Variants in KDM4C observed in about 807,000 individuals in gnomAD.
The protein encoded by KDM4C is lysine-specific demethylase 4C.
KDM4C carries 81 observed loss-of-function variants against 129.3 expected under a neutral mutation model. The ratio of observed to expected loss-of-function variants is 0.63; its 90% confidence interval spans 0.52 to 0.75. The LOEUF is 0.75. KDM4C is among the 30% of genes least tolerant of loss of function. KDM4C has a pLI of 0.00. For missense variants in KDM4C, 1,457 were observed against 1,304.0 expected (o/e 1.12, Z -1.81); for synonymous variants, 573 against 456.1 (o/e 1.26, Z -3.26).
At chr9:6,930,135 C>G (rs1823397017) in intron 8 of KDM4C, among the ~76,000 whole-genome samples, 1 of 152,142 alleles carries the variant, frequency 6.6e-6, no homozygotes, top group African/African-American at 2.4e-5. Context: ...CCTAAGATTC[C>G]CTGCAGAAAT....
chr9:6,870,125 T>C (rs1842634252), intron 5 of KDM4C, among the ~76,000 whole-genome samples: 1 of 152,234 alleles, frequency 6.6e-6, no homozygotes, highest in Non-Finnish European at 1.5e-5. Context: ...CTTTACTTTT[T>C]GATTCATAAA....
chr9:6,837,769 T>A (rs972010659), intron 4 of KDM4C, among the ~76,000 whole-genome samples: 1 of 152,230 alleles, frequency 6.6e-6, no homozygotes, highest in African/African-American at 2.4e-5. Context: ...TAGTTGTGGC[T>A]ATTCTTTTCA....
intron 17 of KDM4C, chr9:7,076,439 G>C: frequency 6.5e-7 from 1 of 1,549,116 alleles, no homozygotes; most frequent in East Asian, 2.4e-5. Context: ...TTCAGGGAAG[G>C]CTGGGAATCT....
At chr9:6,859,537 T>G (rs907961191) in intron 5 of KDM4C, among the ~76,000 whole-genome samples, 1 of 125,290 alleles carries the variant, frequency 8.0e-6, no homozygotes, top group Non-Finnish European at 1.7e-5. Context: ...ATGTCTCAAG[T>G]AGGTGGATTT....
chr9:6,958,371 G>A (rs1221823995), intron 8 of KDM4C, among the ~76,000 whole-genome samples: 1 of 152,084 alleles, frequency 6.6e-6, no homozygotes, highest in African/African-American at 2.4e-5. Context: ...GATTATCTGA[G>A]ACCAGAAGTT....
intron 17 of KDM4C, chr9:7,077,172 C>T (rs1834022970): frequency 1.0e-6 from 1 of 985,272 alleles, no homozygotes; most frequent in South Asian, 4.7e-5. Context: ...TGCTGAAGCT[C>T]ATGTTATCAC....
chr9:6,790,865 T>A (rs1826444128), intron 1 of KDM4C, among the ~76,000 whole-genome samples: 2 of 152,080 alleles, frequency 1.3e-5, no homozygotes. Context: ...GCTGAAGGAA[T>A]CATCCTGTTT....
At chr9:6,764,789 CT>C (rs2130506901) in intron 1 of KDM4C, among the ~76,000 whole-genome samples, 1 of 152,302 alleles carries the variant, frequency 6.6e-6, no homozygotes, top group African/African-American at 2.4e-5. Context: ...CTAATGACTT[CT>C]TTTTTTATAT....
At chr9:6,817,208 C>CTT (rs1554701674) in intron 4 of KDM4C, among the ~76,000 whole-genome samples, 5 of 94,946 alleles carry the variant, frequency 5.3e-5, no homozygotes, top group Non-Finnish European at 9.0e-5. Flanking sequence ...CCCCCCCCCA[C>CTT]TTTTTTTTTT....
rs539425732 is a variant in KDM4C, at chr9:7,097,669, C to T, written c.2425-6016C>T. Among the ~76,000 whole-genome samples the T allele has an allele frequency of 1.6e-4, 24 of 152,230 alleles. No homozygotes were observed. The South Asian group carries it at 2.1e-3, about 13-fold the overall frequency. ...ACCAGGTCAGGCTCACATGCTGCCT[C>T]GCCTTGCCCTGCCAGTCCAATCGTC... On this transcript the variant is annotated intron_variant, in intron 17 of 21. Transcript: ENST00000381309.
At chr9:7,082,975 G>C (rs1834709916) in intron 17 of KDM4C, among the ~76,000 whole-genome samples, 1 of 152,122 alleles carries the variant, frequency 6.6e-6, no homozygotes, top group African/African-American at 2.4e-5. Context: ...CTCCAGCAGG[G>C]ATGGACCTGC....
chr9:6,940,817 G>A (rs930445406), intron 8 of KDM4C, among the ~76,000 whole-genome samples: 3 of 152,030 alleles, frequency 2.0e-5, no homozygotes, highest in Non-Finnish European at 4.4e-5. Flanking sequence ...TTAGGATAAT[G>A]TACCCTTGAT....
At chr9:7,040,888 T>G (rs1828478162) in intron 15 of KDM4C, among the ~76,000 whole-genome samples, 1 of 151,942 alleles carries the variant, frequency 6.6e-6, no homozygotes, top group African/African-American at 2.4e-5. Context: ...CTGTTTAGAG[T>G]TTGCTGCAAT....
intron 4 of KDM4C, among the ~76,000 whole-genome samples, chr9:6,836,307 G>A (rs1835860482): frequency 6.6e-6 from 1 of 152,178 alleles, no homozygotes; most frequent in Non-Finnish European, 1.5e-5. Flanking sequence ...GGGAGGCGGA[G>A]GTTGCGGTGC....
intron 8 of KDM4C, chr9:6,973,862 C>T (rs181061213): frequency 2.0e-5 from 3 of 152,322 alleles, no homozygotes; most frequent in Admixed American, 6.5e-5. Flanking sequence ...CTGTGTTTAT[C>T]TCATATTCAG....
At chr9:6,734,646 C>T (rs1031826499) in intron 1 of KDM4C, 4 of 268,582 alleles carry the variant, frequency 1.5e-5, no homozygotes, top group African/African-American at 6.9e-5. Flanking sequence ...ACATACTTGC[C>T]ATCAGTCCTG....
chr9:6,953,206 C>T (rs957755001), intron 8 of KDM4C, among the ~76,000 whole-genome samples: 1 of 152,176 alleles, frequency 6.6e-6, no homozygotes, highest in Non-Finnish European at 1.5e-5. Flanking sequence ...CATCAGACAT[C>T]TCCCTTTCAC....
chr9:6,899,701 G>T (rs1358390589), intron 8 of KDM4C, among the ~76,000 whole-genome samples: 1 of 152,116 alleles, frequency 6.6e-6, no homozygotes, highest in Non-Finnish European at 1.5e-5. Flanking sequence ...ATTGAGTTGT[G>T]GGATTCAGGA....
chr9:7,123,431 A>G (rs1316049829), intron 18 of KDM4C, among the ~76,000 whole-genome samples: 2 of 152,190 alleles, frequency 1.3e-5, no homozygotes, highest in African/African-American at 2.4e-5. Context: ...ATATCACTCT[A>G]CAGTGCCCCT....
Sources: gnomAD v4.1 joint callset for allele counts (sites outside exome capture counted in the v4.1 genomes callset) on GRCh38, gnomAD v4.1.1 for gene constraint, MANE v1.5 for transcripts, NCBI Gene and HGNC (gene_info 2026-07-23, HGNC 2026-07-21) for gene names.